The following GALNT17 variants were observed in gnomAD, a reference collection of about 807,000 sequenced individuals.
GALNT17 encodes the protein polypeptide N-acetylgalactosaminyltransferase 17.
A neutral mutation model predicts 63.7 loss-of-function variants in GALNT17; 29 were observed. The ratio of observed to expected loss-of-function variants is 0.46; its 90% CI spans 0.34 to 0.62. The LOEUF is 0.62. GALNT17 is among the 20% of genes least tolerant of loss of function. GALNT17 has a pLI of 0.01. For missense variants in GALNT17, 603 were observed against 799.6 expected (o/e 0.75, Z 2.97); for synonymous variants, 305 against 318.3 (o/e 0.96, Z 0.45).
chr7:71,624,115 G>T (rs1790336952), intron 6 of GALNT17, among the ~76,000 whole-genome samples: 1 of 152,160 alleles, frequency 6.6e-6, no homozygotes, highest in African/African-American at 2.4e-5. Flanking sequence ...CTTACGGTTG[G>T]GGTCAGCAGT....
chr7:71,473,381 C>T (rs1787673132), intron 5 of GALNT17, among the ~76,000 whole-genome samples: 1 of 152,206 alleles, frequency 6.6e-6, no homozygotes, highest in African/African-American at 2.4e-5. Flanking sequence ...TCTGCAGATA[C>T]ACATTTTCCT....
chr7:71,239,616 G>A (rs776787160), intron 1 of GALNT17, among the ~76,000 whole-genome samples: 13 of 152,268 alleles, frequency 8.5e-5, no homozygotes, highest in Non-Finnish European at 1.8e-4. Context: ...TATCTAGAAG[G>A]GCCAGTGATG....
intron 2 of GALNT17, among the ~76,000 whole-genome samples, chr7:71,347,680 T>C (rs1792119939): frequency 6.6e-6 from 1 of 152,058 alleles, no homozygotes; most frequent in Non-Finnish European, 1.5e-5. Context: ...GCCAGGGTGA[T>C]GGTGAGAGTC....
chr7:71,316,858 G>A (rs1209287072), intron 1 of GALNT17, among the ~76,000 whole-genome samples: 1 of 152,178 alleles, frequency 6.6e-6, no homozygotes, highest in Non-Finnish European at 1.5e-5. Flanking sequence ...TGTTCTGTAG[G>A]TCATGAAACC....
At chr7:71,540,090 G>A (rs1375208395) in intron 5 of GALNT17, among the ~76,000 whole-genome samples, 6 of 87,522 alleles carry the variant, frequency 6.9e-5, no homozygotes, top group Admixed American at 1.4e-4. Context: ...CACTGTGCCT[G>A]GCCTTTTTTT....
intron 1 of GALNT17, among the ~76,000 whole-genome samples, chr7:71,326,493 G>T (rs1033182793): frequency 6.6e-6 from 1 of 152,120 alleles, no homozygotes; most frequent in South Asian, 2.1e-4. Context: ...AGAGAGAGAG[G>T]ATCTCCTAAC....
At chr7:71,691,850 A>G (rs953184978) in intron 9 of GALNT17, among the ~76,000 whole-genome samples, 3 of 149,096 alleles carry the variant, frequency 2.0e-5, no homozygotes, top group African/African-American at 7.4e-5. Context: ...CTCTTTTTTT[A>G]ATCTTTTCTT....
intron 5 of GALNT17, among the ~76,000 whole-genome samples, chr7:71,512,662 G>A (rs1788380408): frequency 6.6e-6 from 1 of 152,174 alleles, no homozygotes; most frequent in South Asian, 2.1e-4. Flanking sequence ...GGGCTCTCTG[G>A]TCCACCCCCT....
In GALNT17 at chr7:71,421,079, C is replaced by T. The variant is rs201636538; in HGVS notation, c.936C>T (p.Asp312=). Residue 312 remains aspartate (D), a synonymous_variant, in exon 5 of 11, where the codon GAC becomes GAT. Coordinates refer to ENST00000333538, the MANE Select transcript of GALNT17 (RefSeq NM_022479.3). ...MYISPPKDWW[D]AGDPSLPIRT... Reference sequence around the variant, plus strand: ...TCAGCCCCCCAAAAGACTGGTGGGACGCCGGAGACCCTTCTCTCCCCATCA... The same window carrying T: ...TCAGCCCCCCAAAAGACTGGTGGGATGCCGGAGACCCTTCTCTCCCCATCA... 1.2e-4 allele frequency: 190 copies of T among 1,614,012 alleles called. No individual in the cohort carries two copies. The highest frequency in any genetic ancestry group is 8.3e-4 in the Admixed American group (50 of 60,010).
chr7:71,707,515 T>G (rs1791738033), intron 9 of GALNT17, among the ~76,000 whole-genome samples: 1 of 152,212 alleles, frequency 6.6e-6, no homozygotes, highest in African/African-American at 2.4e-5. Flanking sequence ...GCATAACAAC[T>G]ACCCCAAAAC....
chr7:71,174,618 T>A (rs902598733), intron 1 of GALNT17, among the ~76,000 whole-genome samples: 2 of 152,012 alleles, frequency 1.3e-5, no homozygotes, highest in Non-Finnish European at 2.9e-5. Flanking sequence ...TTAGGAGCAA[T>A]GTTTTGCGGG....
chr7:71,700,770 G>A (rs1174260478), intron 9 of GALNT17, among the ~76,000 whole-genome samples: 3 of 152,132 alleles, frequency 2.0e-5, no homozygotes, highest in Middle Eastern at 3.2e-3. Flanking sequence ...TCTTTTGGAT[G>A]GGGACTCATC....
intron 1 of GALNT17, among the ~76,000 whole-genome samples, chr7:71,330,179 A>G (rs555138375): frequency 6.6e-6 from 1 of 151,586 alleles, no homozygotes; most frequent in African/African-American, 2.4e-5. Context: ...CACCCGGTTA[A>G]TTTTTGTATT....
At chr7:71,522,397 T>A (rs1167964059) in intron 5 of GALNT17, among the ~76,000 whole-genome samples, 4 of 152,212 alleles carry the variant, frequency 2.6e-5, no homozygotes, top group African/African-American at 4.8e-5. Context: ...TTAATTGGAC[T>A]TAAAGTTCCA....
At chr7:71,309,727 G>T (rs2115934753) in intron 1 of GALNT17, among the ~76,000 whole-genome samples, 1 of 152,182 alleles carries the variant, frequency 6.6e-6, no homozygotes, top group East Asian at 1.9e-4. Flanking sequence ...AGGGAGAGTG[G>T]GGATGAATTT....
At chr7:71,511,457 G>GC (rs1788354605) in intron 5 of GALNT17, among the ~76,000 whole-genome samples, 1 of 152,098 alleles carries the variant, frequency 6.6e-6, no homozygotes, top group Non-Finnish European at 1.5e-5. Context: ...TCACGCAGTG[G>GC]CACAGCCTGA....
At chr7:71,443,829 ATTC>A (rs1787112000) in intron 5 of GALNT17, among the ~76,000 whole-genome samples, 2 of 151,474 alleles carry the variant, frequency 1.3e-5, no homozygotes, top group Non-Finnish European at 2.9e-5. Flanking sequence ...CGTTGAAGTC[ATTC>A]TTCTGCCTCA....
chr7:71,425,996 A>C (rs1030218567), intron 5 of GALNT17, among the ~76,000 whole-genome samples: 4 of 152,154 alleles, frequency 2.6e-5, no homozygotes, highest in Non-Finnish European at 5.9e-5. Context: ...GAGAAGGAGA[A>C]GGTGCCACAC....
chr7:71,564,822 A>T (rs6959598), intron 5 of GALNT17, among the ~76,000 whole-genome samples: 4,099 of 152,212 alleles, frequency 0.027, 200 homozygotes, highest in African/African-American at 0.093. Context: ...CTTTGTTGTG[A>T]GAAATCCCAG....
Sources: allele counts gnomAD v4.1 joint callset (sites outside exome capture counted in the v4.1 genomes callset), GRCh38; gene constraint gnomAD v4.1.1; transcripts MANE v1.5; gene names NCBI Gene and HGNC (gene_info 2026-07-23, HGNC 2026-07-21).